CSMD3: variants seen among roughly 807,000 people sequenced by gnomAD.
CSMD3 encodes CUB and sushi domain-containing protein 3.
CSMD3 carries 177 observed loss-of-function variants against 435.2 expected under a neutral mutation model. That is an observed-to-expected ratio of 0.41 (90% confidence interval 0.36 to 0.46). The LOEUF is 0.46. Among genes scored for constraint, CSMD3 ranks in the 20% least tolerant of loss-of-function variants. The pLI, the probability that CSMD3 is intolerant of heterozygous loss-of-function variation, is 0.34. For missense variants in CSMD3, 4,265 were observed against 4,504.6 expected (o/e 0.95, Z 1.52); for synonymous variants, 1,656 against 1,520.5 (o/e 1.09, Z -2.07).
intron 12 of CSMD3, among the ~76,000 whole-genome samples, chr8:112,822,241 A>C (rs1251950623): frequency 6.6e-6 from 1 of 152,186 alleles, no homozygotes; most frequent in Non-Finnish European, 1.5e-5. Flanking sequence ...TACTTTGGGT[A>C]GTATGGCCAT....
At chr8:112,844,708 T>C (rs2132546859) in intron 11 of CSMD3, among the ~76,000 whole-genome samples, 1 of 152,058 alleles carries the variant, frequency 6.6e-6, no homozygotes, top group South Asian at 2.1e-4. Context: ...TTGGACCAGA[T>C]ACATATCTTG....
At chr8:112,767,822 T>A (rs1203247525) in intron 13 of CSMD3, among the ~76,000 whole-genome samples, 2 of 151,812 alleles carry the variant, frequency 1.3e-5, no homozygotes, top group Non-Finnish European at 2.9e-5. Flanking sequence ...AATGAAGCTA[T>A]TTATTTACAA....
intron 1 of CSMD3, among the ~76,000 whole-genome samples, chr8:113,374,557 A>T (rs2094366591): frequency 6.6e-6 from 1 of 152,108 alleles, no homozygotes. Flanking sequence ...AAACACATTA[A>T]AAGAAGGCAT....
intron 5 of CSMD3, among the ~76,000 whole-genome samples, chr8:113,082,859 T>A (rs1004029959): frequency 5.3e-5 from 8 of 151,856 alleles, no homozygotes; most frequent in South Asian, 2.1e-4. Context: ...GGAGAAAAAA[T>A]TTCTGAACTT....
At chr8:113,333,725 T>A (rs1181741513) in intron 1 of CSMD3, among the ~76,000 whole-genome samples, 1 of 151,898 alleles carries the variant, frequency 6.6e-6, no homozygotes, top group African/African-American at 2.4e-5. Context: ...CCCACAGTAT[T>A]ATTCATTTTT....
chr8:113,421,688 C>T (rs1362329223), intron 1 of CSMD3, among the ~76,000 whole-genome samples: 1 of 152,068 alleles, frequency 6.6e-6, no homozygotes, highest in Non-Finnish European at 1.5e-5. Context: ...TCCTCCTCTT[C>T]CCCTAGCCAT....
At chr8:112,225,224 A>C (rs1812458764) in intron 70 of CSMD3, among the ~76,000 whole-genome samples, 1 of 152,134 alleles carries the variant, frequency 6.6e-6, no homozygotes, top group African/African-American at 2.4e-5. Flanking sequence ...AATTATTATG[A>C]CTTATCATTT....
chr8:112,314,670 A>C, intron 47 of CSMD3, 53 bp from the exon 48 acceptor site: 1 of 1,271,184 alleles, frequency 7.9e-7, no homozygotes, highest in Non-Finnish European at 1.1e-6. Context: ...GCCTCAGTGA[A>C]AACTGTATTT....
At chr8:112,816,247 T>TC (rs2079372100) in intron 12 of CSMD3, among the ~76,000 whole-genome samples, 1 of 152,224 alleles carries the variant, frequency 6.6e-6, no homozygotes, top group Non-Finnish European at 1.5e-5. Flanking sequence ...TTCAGGAAAA[T>TC]CTGAGATGAA....
intron 9 of CSMD3, among the ~76,000 whole-genome samples, chr8:112,927,059 A>G (rs2082934480): frequency 6.6e-6 from 1 of 152,166 alleles, no homozygotes; most frequent in South Asian, 2.1e-4. Flanking sequence ...CGTCAAGAAA[A>G]TAACTATTAC....
intron 2 of CSMD3, among the ~76,000 whole-genome samples, chr8:113,297,197 C>T (rs1055644010): frequency 6.6e-6 from 1 of 151,778 alleles, no homozygotes; most frequent in Non-Finnish European, 1.5e-5. Context: ...AAATTAGGTG[C>T]TAGAAATATA....
intron 54 of CSMD3, among the ~76,000 whole-genome samples, chr8:112,294,921 A>C (rs1049973324): frequency 4.6e-5 from 7 of 152,090 alleles, no homozygotes; most frequent in African/African-American, 1.7e-4. Flanking sequence ...TTATTTCAAT[A>C]GTTTTTGAGG....
chr8:112,771,546 G>A (rs1485061112), intron 13 of CSMD3, among the ~76,000 whole-genome samples: 2 of 151,220 alleles, frequency 1.3e-5, no homozygotes, highest in East Asian at 2.0e-4. Context: ...CTCAAAAAAA[G>A]AAAAAGAAAA....
intron 10 of CSMD3, among the ~76,000 whole-genome samples, chr8:112,884,231 T>C (rs1212209663): frequency 1.3e-5 from 2 of 151,864 alleles, no homozygotes; most frequent in Non-Finnish European, 2.9e-5. Context: ...CAGAGCAAAA[T>C]ACAATTGCAG....
chr8:113,049,205 C>T (rs1448038192), intron 5 of CSMD3, among the ~76,000 whole-genome samples: 1 of 152,120 alleles, frequency 6.6e-6, no homozygotes, highest in Non-Finnish European at 1.5e-5. Flanking sequence ...CGCCACTGCA[C>T]TCCAGCCTAG....
At chr8:113,109,624 C>T (rs2090579139) in intron 4 of CSMD3, among the ~76,000 whole-genome samples, 1 of 152,188 alleles carries the variant, frequency 6.6e-6, no homozygotes, top group Admixed American at 6.5e-5. Flanking sequence ...GTTCCTAAGG[C>T]TTCAAGCAGC....
intron 11 of CSMD3, among the ~76,000 whole-genome samples, chr8:112,835,196 A>G (rs910623834): frequency 6.6e-6 from 1 of 151,912 alleles, no homozygotes; most frequent in East Asian, 1.9e-4. Context: ...TCCATTTCTC[A>G]TAAGGCTCAA....
Position 112,319,994 on chromosome 8 carries a change from A to G in CSMD3, c.7166-13T>C. ...CTTAGTTGATAGGCTACAAAAATAA[A>G]CAAAGTGTTTATTCCTTTTCTGTGC... On this transcript the variant is annotated splice_polypyrimidine_tract_variant and intron_variant, in intron 45 of 70. Coordinates refer to ENST00000297405, the MANE Select transcript of CSMD3 (RefSeq NM_198123.2). The G allele has an allele frequency of 6.3e-7, 1 of 1,584,370 alleles. No individual in the cohort carries two copies. The highest frequency in any genetic ancestry group is 8.7e-7 in the Non-Finnish European group (1 of 1,153,120).
In CSMD3 at chr8:112,332,742, T is replaced by C. The variant is rs187778344; in HGVS notation, c.7165+2587A>G. Among the ~76,000 whole-genome samples the C allele has an allele frequency of 3.9e-4, 60 of 152,250 alleles. 1 individual carries two copies. In the East Asian group the frequency reaches 8.3e-3, roughly 21 times the overall value. On this transcript the variant is annotated intron_variant, in intron 45 of 70. Transcript: ENST00000297405. ...AATTTTTTTGCACCTTATTATAAAA[T>C]CTAATGAATAAATGTCCTATTTGAA...
Sources: gnomAD v4.1 joint callset for allele counts (sites outside exome capture counted in the v4.1 genomes callset) on GRCh38, gnomAD v4.1.1 for gene constraint, MANE v1.5 for transcripts, NCBI Gene and HGNC (gene_info 2026-07-23, HGNC 2026-07-21) for gene names.